TOX: variants seen among roughly 807,000 people sequenced by gnomAD.
TOX encodes thymocyte selection-associated high mobility group box protein TOX.
A neutral mutation model predicts 53.7 loss-of-function variants in TOX; 11 were observed. That is an observed-to-expected ratio of 0.20 (90% confidence interval 0.13 to 0.34). TOX has a LOEUF of 0.34. Ranked by LOEUF, TOX falls within the 10% of genes least tolerant of loss-of-function variation. The pLI, the probability that TOX is intolerant of heterozygous loss-of-function variation, is 1.00. For missense variants in TOX, 570 were observed against 664.6 expected, an observed-to-expected ratio of 0.86 and a Z score of 1.56; for synonymous variants, 225 against 245.3, an observed-to-expected ratio of 0.92 and a Z score of 0.77.
intron 1 of TOX, among the ~76,000 whole-genome samples, chr8:59,019,407 C>T (rs1307102356): frequency 6.6e-6 from 1 of 152,076 alleles, no homozygotes. Context: ...ATTACAGAAC[C>T]TTTAATGTCC....
Position 58,807,582 on chromosome 8 carries a change from A to G in TOX, c.*165T>C. 1.6e-6 allele frequency: 1 copy of G among 643,710 alleles called. No individual in the cohort carries two copies. The highest frequency in any genetic ancestry group is 1.8e-5 in the African/African-American group (1 of 54,800). 39.9% of individuals were successfully genotyped at this position (643,710 alleles called of 1,614,324 possible). ...AGGATTAAAAAAATAATAAAGAAGCATGACTATTTCTTCCAGAGTGGGTGA... is the reference window on the plus strand; with the variant it reads ...AGGATTAAAAAAATAATAAAGAAGCGTGACTATTTCTTCCAGAGTGGGTGA... On this transcript the variant is annotated 3_prime_UTR_variant, in exon 9 of 9. Coordinates refer to ENST00000361421, the MANE Select transcript of TOX (RefSeq NM_014729.3).
intron 2 of TOX, among the ~76,000 whole-genome samples, chr8:58,941,378 A>T (rs1005337436): frequency 2.1e-4 from 32 of 152,230 alleles, no homozygotes; most frequent in Admixed American, 6.5e-5. Context: ...CAGTTTCCTG[A>T]AGAGAAAATT....
intron 1 of TOX, among the ~76,000 whole-genome samples, chr8:59,109,628 A>C (rs183089183): frequency 1.3e-5 from 2 of 152,236 alleles, no homozygotes; most frequent in Admixed American, 1.3e-4. Flanking sequence ...TAACCACTAG[A>C]CATGATTAGC....
chr8:58,975,235 GAT>G (rs1037568334), intron 1 of TOX, among the ~76,000 whole-genome samples: 10 of 104,428 alleles, frequency 9.6e-5, no homozygotes, highest in Admixed American at 5.1e-4. Context: ...ATATGTGTGT[GAT>G]ATATATATAC....
At chr8:59,079,607 T>G (rs550527562) in intron 1 of TOX, among the ~76,000 whole-genome samples, 2 of 152,324 alleles carry the variant, frequency 1.3e-5, no homozygotes, top group African/African-American at 4.8e-5. Context: ...GAATGAGGCT[T>G]GGTACCCTCC....
intron 1 of TOX, among the ~76,000 whole-genome samples, chr8:59,070,962 C>T (rs935950389): frequency 3.3e-5 from 5 of 152,066 alleles, no homozygotes; most frequent in African/African-American, 1.2e-4. Flanking sequence ...AAAAAGCTAG[C>T]AATATCCTTC....
rs769133136 is a variant in TOX at position 59,054,679 on chromosome 8, G to A, written c.102+64207C>T. Among the ~76,000 whole-genome samples the A allele has an allele frequency of 1.0e-3, 158 of 151,778 alleles. 1 individual carries two copies. Among genetic ancestry groups the A allele is most frequent in the African/African-American group, 9.4e-4 (39 of 41,294 alleles). ...CAACTTTGAAAAAGGAAGTTTCCTC[G>A]CCACAAACCAAATACATTCCTCTAA... On this transcript the variant is annotated intron_variant, in intron 1 of 8. Coordinates refer to ENST00000361421, the MANE Select transcript of TOX (RefSeq NM_014729.3).
At chr8:58,962,781 AT>A (rs1812823447) in intron 1 of TOX, among the ~76,000 whole-genome samples, 1 of 152,090 alleles carries the variant, frequency 6.6e-6, no homozygotes, top group Non-Finnish European at 1.5e-5. Context: ...TATTGTGAGA[AT>A]TTTTTTAAGT....
At chr8:59,066,855 A>G (rs1474127103) in intron 1 of TOX, among the ~76,000 whole-genome samples, 4 of 152,226 alleles carry the variant, frequency 2.6e-5, no homozygotes, top group Non-Finnish European at 5.9e-5. Context: ...CAAACTCATT[A>G]TGACCAAAAG....
At chr8:59,081,314 G>A (rs1186149499) in intron 1 of TOX, among the ~76,000 whole-genome samples, 13 of 152,052 alleles carry the variant, frequency 8.5e-5, no homozygotes, top group African/African-American at 2.4e-5. Flanking sequence ...GGAGTCAGCT[G>A]CTGTGCCGGG....
chr8:59,030,797 T>C (rs1447951031), intron 1 of TOX, among the ~76,000 whole-genome samples: 1 of 152,208 alleles, frequency 6.6e-6, no homozygotes, highest in East Asian at 1.9e-4. Context: ...CTGTTAACTT[T>C]TGGAAAAGTA....
At chr8:58,815,892 T>C (rs1017024364) in intron 6 of TOX, among the ~76,000 whole-genome samples, 168 bp from the exon 7 acceptor site, 2 of 152,242 alleles carry the variant, frequency 1.3e-5, no homozygotes, top group African/African-American at 4.8e-5. Flanking sequence ...ATGTGATTTA[T>C]AGAAGACAGC....
At chr8:58,826,972 G>A in intron 5 of TOX, 70 bp from the exon 6 acceptor site, 1 of 1,178,090 alleles carries the variant, frequency 8.5e-7, no homozygotes, top group Non-Finnish European at 1.2e-6. Context: ...GTACAATATA[G>A]AATGATAACT....
chr8:59,086,981 T>TTATA (rs1804523265), intron 1 of TOX, among the ~76,000 whole-genome samples: 1 of 152,154 alleles, frequency 6.6e-6, no homozygotes. Flanking sequence ...GAAAGAAAGA[T>TTATA]TATATCTGCA....
intron 3 of TOX, among the ~76,000 whole-genome samples, chr8:58,899,881 A>G (rs1811705784): frequency 6.6e-6 from 1 of 152,204 alleles, no homozygotes; most frequent in Non-Finnish European, 1.5e-5. Context: ...TTCACACTCC[A>G]GGGAAAACAC....
At chr8:58,927,992 G>C (rs564816783) in intron 3 of TOX, among the ~76,000 whole-genome samples, 160 of 152,304 alleles carry the variant, frequency 1.1e-3, no homozygotes, top group African/African-American at 3.6e-3. Context: ...GTAGGTTTCT[G>C]CGGGTGACTC....
At chr8:59,096,275 A>G (rs1804710827) in intron 1 of TOX, among the ~76,000 whole-genome samples, 1 of 152,210 alleles carries the variant, frequency 6.6e-6, no homozygotes, top group Admixed American at 6.5e-5. Context: ...ATTAGTGGCC[A>G]TTTGAGGAGC....
chr8:58,908,194 G>T (rs1184890906), intron 3 of TOX, among the ~76,000 whole-genome samples: 1 of 152,108 alleles, frequency 6.6e-6, no homozygotes, highest in African/African-American at 2.4e-5. Flanking sequence ...TGTTAAAGGT[G>T]AGACAATTTT....
chr8:58,838,054 A>C, intron 5 of TOX, 27 bp downstream of exon 5: 2 of 1,606,294 alleles, frequency 1.2e-6, no homozygotes, highest in Non-Finnish European at 1.7e-6. Flanking sequence ...GCTTATGTAG[A>C]TTCCCATTCC....
Sources: allele counts gnomAD v4.1 joint callset (sites outside exome capture counted in the v4.1 genomes callset), GRCh38; gene constraint gnomAD v4.1.1; transcripts MANE v1.5; gene names NCBI Gene and HGNC (gene_info 2026-07-23, HGNC 2026-07-21).